The following NTM variants were observed in gnomAD, a reference collection of about 807,000 sequenced individuals.
The protein encoded by NTM is IgLON family member 2.
NTM carries 13 observed loss-of-function variants against 42.1 expected under a neutral mutation model. That is an observed-to-expected ratio of 0.31 (90% CI 0.20 to 0.49). The LOEUF is 0.49. Among genes scored for constraint, NTM ranks in the 20% least tolerant of loss-of-function variants. NTM has a pLI of 0.99. For missense variants in NTM, 373 were observed against 452.8 expected (o/e 0.82, Z 1.60); for synonymous variants, 187 against 179.2 (o/e 1.04, Z -0.35).
At chr11:132,174,480 G>C (rs912317512) in intron 3 of NTM, among the ~76,000 whole-genome samples, 1 of 152,218 alleles carries the variant, frequency 6.6e-6, no homozygotes, top group African/African-American at 2.4e-5. Flanking sequence ...ATCGATGCTA[G>C]TGCAGTGACT....
rs1419349334 is a variant in NTM at position 132,314,172 on chromosome 11, CCATCACCAT to C, written c.783-374_783-366del. On this transcript the variant is annotated intron_variant, in intron 6 of 8. Coordinates refer to ENST00000683400, the MANE Select transcript of NTM (RefSeq NM_001352005.2). ...TTCATTTGCATGGTTGTCATCATCA[CCATCACCAT>C]CATCATCATCAGGCCCACACATTTG... Among the ~76,000 whole-genome samples, 6 of 148,108 alleles carry C rather than the reference CCATCACCAT, an allele frequency of 4.1e-5. No homozygotes were observed. The South Asian group carries it at 8.4e-4, about 21-fold the overall frequency.
At chr11:131,422,769 C>T (rs1452512121) in intron 1 of NTM, among the ~76,000 whole-genome samples, 1 of 152,182 alleles carries the variant, frequency 6.6e-6, no homozygotes, top group Non-Finnish European at 1.5e-5. Context: ...CTCCTTCCTC[C>T]TACACTTCAA....
At chr11:132,221,997 G>C (rs1400078549) in intron 4 of NTM, among the ~76,000 whole-genome samples, 1 of 152,106 alleles carries the variant, frequency 6.6e-6, no homozygotes, top group Non-Finnish European at 1.5e-5. Flanking sequence ...ACCAGCTTGG[G>C]GCACCCGGTC....
At chr11:132,028,113 G>A (rs1477853009) in intron 2 of NTM, among the ~76,000 whole-genome samples, 1 of 150,896 alleles carries the variant, frequency 6.6e-6, no homozygotes, top group Non-Finnish European at 1.5e-5. Context: ...ATTTGTCCTT[G>A]CAAGTTGTCT....
At chr11:131,673,467 G>T (rs567222614) in intron 1 of NTM, among the ~76,000 whole-genome samples, 1 of 152,296 alleles carries the variant, frequency 6.6e-6, no homozygotes, top group African/African-American at 2.4e-5. Context: ...CTCATTGTCT[G>T]TGTGTATGTG....
At chr11:131,668,290 A>ATCTG (rs1416603256) in intron 1 of NTM, among the ~76,000 whole-genome samples, 2 of 151,588 alleles carry the variant, frequency 1.3e-5, no homozygotes, top group Non-Finnish European at 2.9e-5. Flanking sequence ...CTATCTATCT[A>ATCTG]TCTGTAAATA....
Position 132,237,355 on chromosome 11 carries a change from T to C in NTM, c.526+25208T>C, listed in dbSNP as rs377069510. ...CTCAGTTTGCGATCTGACCTCAGGG[T>C]TTTTCTTTGGGATCTCGGTACGTCA... On this transcript the variant is annotated intron_variant, in intron 4 of 8. Transcript: ENST00000683400. Among the ~76,000 whole-genome samples the C allele has an allele frequency of 9.2e-5, 14 of 152,130 alleles. 1 individual carries two copies. The highest frequency in any genetic ancestry group is 3.4e-4 in the African/African-American group (14 of 41,510).
chr11:131,642,430 A>G (rs1371155691), intron 1 of NTM, among the ~76,000 whole-genome samples: 2 of 152,238 alleles, frequency 1.3e-5, no homozygotes, highest in African/African-American at 4.8e-5. Context: ...ATAAAACTCC[A>G]ATAAACTCAG....
At chr11:132,132,848 C>T (rs1267126497) in intron 2 of NTM, among the ~76,000 whole-genome samples, 3 of 152,160 alleles carry the variant, frequency 2.0e-5, no homozygotes, top group Non-Finnish European at 4.4e-5. Flanking sequence ...CAAATATGAA[C>T]AAGCAAGCTG....
intron 1 of NTM, among the ~76,000 whole-genome samples, chr11:131,388,185 A>G (rs1292446144): frequency 1.3e-5 from 2 of 152,018 alleles, no homozygotes; most frequent in Non-Finnish European, 2.9e-5. Flanking sequence ...TCTCTCGAAT[A>G]CTCTCACCTT....
intron 2 of NTM, among the ~76,000 whole-genome samples, chr11:132,084,517 G>T (rs1187449541): frequency 6.6e-6 from 1 of 152,114 alleles, no homozygotes; most frequent in Admixed American, 6.5e-5. Flanking sequence ...GCATCCAAAA[G>T]AGAGAGTTCA....
At chr11:131,527,877 A>G (rs1347800127) in intron 1 of NTM, among the ~76,000 whole-genome samples, 1 of 152,146 alleles carries the variant, frequency 6.6e-6, no homozygotes, top group African/African-American at 2.4e-5. Flanking sequence ...TCAAATAACT[A>G]TTGAGGATGT....
At chr11:131,917,394 A>G (rs2056560770) in intron 2 of NTM, among the ~76,000 whole-genome samples, 1 of 152,214 alleles carries the variant, frequency 6.6e-6, no homozygotes, top group Non-Finnish European at 1.5e-5. Flanking sequence ...GGTTACAAAT[A>G]CATAGAAGTC....
chr11:131,533,703 T>C (rs2051664280), intron 1 of NTM, among the ~76,000 whole-genome samples: 1 of 152,134 alleles, frequency 6.6e-6, no homozygotes, highest in Admixed American at 6.5e-5. Flanking sequence ...AGGTTCTACA[T>C]GCATAGTCAA....
chr11:132,244,817 C>T (rs1163298061), intron 4 of NTM, among the ~76,000 whole-genome samples: 4 of 152,184 alleles, frequency 2.6e-5, no homozygotes, highest in Non-Finnish European at 4.4e-5. Flanking sequence ...CCCAGCCCAC[C>T]GGCTCACTGC....
At chr11:132,226,149 G>A (rs2086223210) in intron 4 of NTM, among the ~76,000 whole-genome samples, 1 of 152,126 alleles carries the variant, frequency 6.6e-6, no homozygotes, top group Admixed American at 6.5e-5. Context: ...CTTTGCTATT[G>A]TGAACAGTTC....
chr11:131,545,639 G>A (rs985936205), intron 1 of NTM, among the ~76,000 whole-genome samples: 2 of 152,158 alleles, frequency 1.3e-5, no homozygotes, highest in African/African-American at 4.8e-5. Context: ...CAAAGGGAGA[G>A]AGACATGAAA....
intron 2 of NTM, among the ~76,000 whole-genome samples, chr11:132,048,940 G>T (rs566419186): frequency 1.1e-4 from 17 of 151,550 alleles, no homozygotes; most frequent in African/African-American, 3.9e-4. Flanking sequence ...CCCTGTAGGA[G>T]ATTCAAGGCT....
At chr11:132,330,562 ATTCT>A (rs1425308652) in intron 8 of NTM, among the ~76,000 whole-genome samples, 1 of 152,122 alleles carries the variant, frequency 6.6e-6, no homozygotes, top group Non-Finnish European at 1.5e-5. Context: ...TGCTTGCACC[ATTCT>A]TTCTATCTCT....
Sources: allele counts gnomAD v4.1 joint callset (sites outside exome capture counted in the v4.1 genomes callset), GRCh38; gene constraint gnomAD v4.1.1; transcripts MANE v1.5; gene names NCBI Gene and HGNC (gene_info 2026-07-23, HGNC 2026-07-21).